OSGIN1: variants seen among roughly 807,000 people sequenced by gnomAD.
The protein encoded by OSGIN1 is oxidative stress-induced growth inhibitor 1.
Under a neutral mutation model 20.1 loss-of-function variants are expected in OSGIN1, and 19 were observed. The observed-to-expected ratio is 0.95, with a 90% CI of 0.66 to 1.39. The LOEUF (loss-of-function observed/expected upper bound fraction) is 1.39. Among genes scored for constraint, OSGIN1 ranks in the 40% most tolerant of loss-of-function variants. OSGIN1 has a pLI of 0.00. For missense variants in OSGIN1, 820 were observed against 653.0 expected, an observed-to-expected ratio of 1.26 and a Z score of -2.79; for synonymous variants, 368 against 297.8, an observed-to-expected ratio of 1.24 and a Z score of -2.43.
Position 83,960,575 on chromosome 16 carries a change from G to A in OSGIN1, c.211G>A (p.Asp71Asn), listed in dbSNP as rs758364495. The change falls in exon 4 of 6, where the codon GAC (aspartate) becomes AAC (asparagine). Residue 71 changes from aspartate to asparagine, a missense_variant. By Grantham distance (23) the Asp-to-Asn change is conservative. Transcript: ENST00000393306. ...GACCTATGCCCCCCTCCAGGACCTG[G>A]ACTACCTGTCCGAAGGCCTCGAAGG... ...PGVSILDQDL[D>N]YLSEGLEGRS... 2.5e-6 allele frequency: 4 copies of A among 1,613,064 alleles called. No homozygotes were observed. Among genetic ancestry groups the A allele is most frequent in the Non-Finnish European group, 2.5e-6 (3 of 1,179,872 alleles).
Position 83,965,278 on chromosome 16 carries a change from C to G in OSGIN1, c.705C>G (p.Phe235Leu), listed in dbSNP as rs933724672. Reference protein sequence around the residue: ...FLTRNQAQQPFSLWARNVVLA... With the variant: ...FLTRNQAQQPLSLWARNVVLA... ...CCAGGAACCAGGCCCAGCAGCCCTT[C>G]TCGCTGTGGGCCCGCAACGTGGTCC... is the stretch of plus-strand genomic sequence containing the variant. Residue 235 changes from phenylalanine (F) to leucine (L), a missense_variant, in exon 6 of 6, where the codon TTC becomes TTG. Phe to Leu is a conservative substitution (Grantham distance 22, BLOSUM62 0). Coordinates refer to ENST00000393306, the MANE Select transcript of OSGIN1 (RefSeq NM_182981.3). 23 of 1,606,072 alleles carry G rather than the reference C, an allele frequency of 1.4e-5. No homozygotes were observed.
intron 5 of OSGIN1, among the ~76,000 whole-genome samples, chr16:83,963,228 G>A (rs371088787): frequency 2.6e-5 from 4 of 152,224 alleles, no homozygotes; most frequent in African/African-American, 9.6e-5. Flanking sequence ...TAGGCAGCCA[G>A]AAACTTACAT....
intron 1 of OSGIN1, among the ~76,000 whole-genome samples, chr16:83,956,408 T>C (rs1414255942): frequency 1.3e-5 from 2 of 152,214 alleles, no homozygotes; most frequent in Non-Finnish European, 2.9e-5. Context: ...TCTGGAAGAA[T>C]TCTGGAGGCA....
intron 1 of OSGIN1, chr16:83,954,501 A>C (rs1042353706): frequency 3.3e-5 from 5 of 152,284 alleles, no homozygotes; most frequent in African/African-American, 1.2e-4. Flanking sequence ...TAAAACTAAA[A>C]AGCACAAAAG....
chr16:83,957,859 T>A (rs937604842), intron 2 of OSGIN1, 121 bp downstream of exon 2: 4 of 367,676 alleles, frequency 1.1e-5, no homozygotes, highest in Non-Finnish European at 2.0e-5. Flanking sequence ...GGGGTTTATT[T>A]TTTATTTATT....
chr16:83,961,084 C>G lies in OSGIN1; in HGVS notation c.488+12C>G. ...CAGAAGAAGCGAAGGTGAGGCCGCC[C>G]CGGAACGCCTTGGGGGACACGGAAG... On this transcript the variant is annotated intron_variant, in intron 5 of 5. Transcript: ENST00000393306. The G allele has an allele frequency of 1.2e-6, 2 of 1,607,544 alleles. No individual in the cohort carries two copies. The highest frequency in any genetic ancestry group is 1.7e-6 in the Non-Finnish European group (2 of 1,174,726).
intron 2 of OSGIN1, among the ~76,000 whole-genome samples, chr16:83,958,571 T>C (rs1909052221): frequency 6.6e-6 from 1 of 152,220 alleles, no homozygotes; most frequent in African/African-American, 2.4e-5. Context: ...TGGTTCTTCC[T>C]GGTATCCTGC....
chr16:83,956,684 G>A (rs545429154), intron 1 of OSGIN1, among the ~76,000 whole-genome samples: 5 of 152,322 alleles, frequency 3.3e-5, no homozygotes, highest in African/African-American at 1.2e-4. Context: ...CAGGGTCAGC[G>A]TGAGGCGGAT....
rs201011853 is a variant in OSGIN1 at position 83,965,620 on chromosome 16, C to T, written c.1047C>T (p.Ile349=). The change falls in exon 6 of 6, where the codon ATC becomes ATT. Residue 349 remains isoleucine (I), a synonymous_variant. Transcript: ENST00000393306. ...KVHQMMREQS[I]LSPSPYEGYR... Reference sequence around the variant, plus strand: ...ACCAGATGATGCGGGAGCAGTCCATCCTGTCGCCCAGCCCCTATGAGGGTT... The same window carrying T: ...ACCAGATGATGCGGGAGCAGTCCATTCTGTCGCCCAGCCCCTATGAGGGTT... The T allele has an allele frequency of 1.9e-6, 3 of 1,613,210 alleles. No individual in the cohort carries two copies. The East Asian group carries it at 6.7e-5, about 36-fold the overall frequency.
In OSGIN1 at chr16:83,964,211, T is replaced by C. The variant is rs552542539; in HGVS notation, c.489-851T>C. On this transcript the variant is annotated intron_variant, in intron 5 of 5. Transcript: ENST00000393306. ...TCCAGCTGCTCAGGAGGCCGAGGTA[T>C]GAGAATCACCTGAGCCCGGGAGGCA... is the stretch of plus-strand genomic sequence containing the variant. 8.5e-5 allele frequency among the ~76,000 whole-genome samples: 13 copies of C among 152,064 alleles called. 1 individual carries two copies. The South Asian group carries it at 1.9e-3, about 22-fold the overall frequency.
rs2084209477 is a variant in OSGIN1 at position 83,961,367 on chromosome 16, G to A, written c.488+295G>A. 4 of 403,424 alleles carry A rather than the reference G, an allele frequency of 9.9e-6. No individual in the cohort carries two copies. In the South Asian group the frequency reaches 1.0e-4, roughly 10 times the overall value. 25.0% of individuals were successfully genotyped at this position (403,424 alleles called of 1,614,324 possible). ...GCAGGAAGTGGGGAGGGGGCTTCCA[G>A]GTCGCAGGTAGGTGAGAGATAAACA... On this transcript the variant is annotated intron_variant, in intron 5 of 5. Coordinates refer to ENST00000393306, the MANE Select transcript of OSGIN1 (RefSeq NM_182981.3).
At chr16:83,960,019 G>A (rs1479786165) in intron 3 of OSGIN1, among the ~76,000 whole-genome samples, 3 of 152,178 alleles carry the variant, frequency 2.0e-5, no homozygotes, top group Non-Finnish European at 4.4e-5. Context: ...GTCAGGCAGT[G>A]TACATCCTCC....
At chr16:83,960,024 T>A (rs772980899) in intron 3 of OSGIN1, among the ~76,000 whole-genome samples, 1 of 152,154 alleles carries the variant, frequency 6.6e-6, no homozygotes, top group Non-Finnish European at 1.5e-5. Context: ...GCAGTGTACA[T>A]CCTCCTGTTC....
chr16:83,962,004 A>T (rs1597181907), intron 5 of OSGIN1, among the ~76,000 whole-genome samples: 1 of 141,838 alleles, frequency 7.1e-6, no homozygotes, highest in South Asian at 2.2e-4. Flanking sequence ...GGTGAGTTTC[A>T]TCCTTAACCA....
At chr16:83,955,579 C>T (rs948082936) in intron 1 of OSGIN1, among the ~76,000 whole-genome samples, 1 of 152,192 alleles carries the variant, frequency 6.6e-6, no homozygotes, top group Non-Finnish European at 1.5e-5. Context: ...CTTACAACAA[C>T]CCGATTAAAT....
In OSGIN1 at chr16:83,965,348, G is replaced by C. The variant is rs771942326; in HGVS notation, c.775G>C (p.Gly259Arg). 1.3e-6 allele frequency: 2 copies of C among 1,571,808 alleles called. No individual in the cohort carries two copies. The highest frequency in any genetic ancestry group is 2.2e-5 in the East Asian group (1 of 44,492). The change falls in exon 6 of 6, where the codon GGG (glycine) becomes CGG (arginine). Residue 259 changes from glycine (G) to arginine (R), a missense_variant. By Grantham distance (125) the Gly-to-Arg change is moderately radical. Coordinates refer to ENST00000393306, the MANE Select transcript of OSGIN1 (RefSeq NM_182981.3). ...FDSPARLGIP[G>R]EALPFIHHEL... is the part of the protein sequence containing the mutation. Reference sequence around the variant, plus strand: ...CAGCCCGGCCCGGCTGGGCATCCCCGGGGAGGCCCTGCCCTTCATCCACCA... The same window carrying C: ...CAGCCCGGCCCGGCTGGGCATCCCCCGGGAGGCCCTGCCCTTCATCCACCA...
chr16:83,960,509 G>A (rs1909151264), intron 3 of OSGIN1, 60 bp from the exon 4 acceptor site: 2 of 1,405,610 alleles, frequency 1.4e-6, no homozygotes, highest in Non-Finnish European at 2.0e-6. Context: ...CCAGCCTCAG[G>A]CTCTGGGAAG....
At chr16:83,964,974 C>G in intron 5 of OSGIN1, 88 bp from the exon 6 acceptor site, 2 of 899,284 alleles carry the variant, frequency 2.2e-6, no homozygotes, top group South Asian at 3.2e-5. Flanking sequence ...GCTCCAGGGC[C>G]TGACACTGCC....
At chr16:83,957,997 C>T (rs1004683476) in intron 2 of OSGIN1, among the ~76,000 whole-genome samples, 11 of 152,190 alleles carry the variant, frequency 7.2e-5, no homozygotes, top group Admixed American at 3.9e-4. Flanking sequence ...CTGCTTCAGC[C>T]TACCAAGTAG....
Sources: allele counts gnomAD v4.1 joint callset (sites outside exome capture counted in the v4.1 genomes callset), GRCh38; gene constraint gnomAD v4.1.1; transcripts MANE v1.5; gene names NCBI Gene and HGNC (gene_info 2026-07-23, HGNC 2026-07-21).